The following NTM variants were observed in gnomAD, a reference collection of about 807,000 sequenced individuals.
NTM encodes the protein neurotrimin.
Under a neutral mutation model 42.1 loss-of-function variants are expected in NTM, and 13 were observed. The ratio of observed to expected loss-of-function variants is 0.31; its 90% CI spans 0.20 to 0.49. NTM has a LOEUF of 0.49. Among genes scored for constraint, NTM ranks in the 20% least tolerant of loss-of-function variants. The pLI, the probability that NTM is intolerant of heterozygous loss-of-function variation, is 0.99. For synonymous variants in NTM, 187 were observed against 179.2 expected (o/e 1.04, Z -0.35); for missense variants, 373 against 452.8 (o/e 0.82, Z 1.60).
chr11:131,903,792 T>A (rs114179693), intron 1 of NTM, among the ~76,000 whole-genome samples: 1 of 152,192 alleles, frequency 6.6e-6, no homozygotes, highest in Admixed American at 6.5e-5. Flanking sequence ...AGGGGCAGAC[T>A]TAGGGCTGGA....
chr11:131,576,214 T>G (rs1203499784), intron 1 of NTM, among the ~76,000 whole-genome samples: 1 of 152,192 alleles, frequency 6.6e-6, no homozygotes, highest in African/African-American at 2.4e-5. Flanking sequence ...TTGCTCACAT[T>G]GGCTGCATAT....
intron 6 of NTM, among the ~76,000 whole-genome samples, chr11:132,310,567 T>A (rs753921580): frequency 3.9e-5 from 6 of 152,132 alleles, no homozygotes; most frequent in Non-Finnish European, 5.9e-5. Context: ...TGCCTGAAGC[T>A]ATTTTTACCA....
rs533778964 is a variant in NTM at position 131,765,427 on chromosome 11, G to A, written c.83-146137G>A. On this transcript the variant is annotated intron_variant, in intron 1 of 8. Coordinates refer to ENST00000683400, the MANE Select transcript of NTM (RefSeq NM_001352005.2). ...CATCTCTCTAGGGCCTTTGCACTCA[G>A]TTTCCTCTTCCTGGAAATCTTTCTA... Among the ~76,000 whole-genome samples, 85 of 152,268 alleles carry A rather than the reference G, an allele frequency of 5.6e-4. No individual in the cohort carries two copies. The South Asian group carries it at 0.015, about 27-fold the overall frequency.
intron 1 of NTM, among the ~76,000 whole-genome samples, chr11:131,782,525 T>C (rs1003493824): frequency 1.3e-5 from 2 of 152,092 alleles, no homozygotes; most frequent in African/African-American, 2.4e-5. Context: ...TACACTTATA[T>C]CAAAATCAAA....
intron 4 of NTM, among the ~76,000 whole-genome samples, chr11:132,281,880 A>G (rs923153502): frequency 1.3e-5 from 2 of 152,210 alleles, no homozygotes; most frequent in Non-Finnish European, 2.9e-5. Context: ...TCAATCTCAA[A>G]AAAAGTATTG....
In NTM at chr11:131,642,447, C is replaced by A. The variant is rs182441910; in HGVS notation, c.83-269117C>A. Among the ~76,000 whole-genome samples, 13 of 152,292 alleles carry A rather than the reference C, an allele frequency of 8.5e-5. No homozygotes were observed. In the East Asian group the frequency reaches 1.7e-3, roughly 20 times the overall value. ...AAAACTCCAATAAACTCAGGTATCA[C>A]TCTGGAATTAATGGAGGACAAATTG... is the stretch of plus-strand genomic sequence containing the variant. On this transcript the variant is annotated intron_variant, in intron 1 of 8. Transcript: ENST00000683400.
intron 2 of NTM, among the ~76,000 whole-genome samples, chr11:132,091,205 C>T (rs1487652977): frequency 6.6e-6 from 1 of 152,106 alleles, no homozygotes; most frequent in Admixed American, 6.5e-5. Context: ...GCCTGATCAA[C>T]ATGGCAAAAC....
At chr11:132,094,001 G>A (rs967477195) in intron 2 of NTM, among the ~76,000 whole-genome samples, 19 of 152,154 alleles carry the variant, frequency 1.2e-4, no homozygotes, top group African/African-American at 4.1e-4. Context: ...AAAAAGGAAA[G>A]TGATGAACAG....
At chr11:131,787,632 C>T (rs191425180) in intron 1 of NTM, among the ~76,000 whole-genome samples, 139 of 152,160 alleles carry the variant, frequency 9.1e-4, no homozygotes, top group Non-Finnish European at 1.7e-3. Context: ...GATCCACCCA[C>T]CTTGGCCTCC....
chr11:132,302,558 G>T (rs2094905439), intron 4 of NTM, among the ~76,000 whole-genome samples: 1 of 152,128 alleles, frequency 6.6e-6, no homozygotes, highest in African/African-American at 2.4e-5. Flanking sequence ...TCAACGTGTT[G>T]TTCTGGGTCT....
chr11:131,489,870 A>C lies in NTM; in HGVS notation c.82+118982A>C, dbSNP rs141823939. Among the ~76,000 whole-genome samples the C allele has an allele frequency of 4.6e-3, 700 of 152,286 alleles. 4 individuals carry two copies. The highest frequency in any genetic ancestry group is 6.8e-3 in the Non-Finnish European group (463 of 68,020). On this transcript the variant is annotated intron_variant, in intron 1 of 8. Transcript: ENST00000683400. ...TCTGCCTTAGTCTTTTTCTGTTGCT[A>C]TAAAGGAATATCTGAGGCTGGGTAA...
At chr11:131,711,162 G>A (rs538783728) in intron 1 of NTM, among the ~76,000 whole-genome samples, 1 of 152,202 alleles carries the variant, frequency 6.6e-6, no homozygotes, top group Admixed American at 6.5e-5. Flanking sequence ...CTTCTGCACC[G>A]CAAAAGAAAC....
chr11:131,416,193 G>GC (rs1946925967), intron 1 of NTM, among the ~76,000 whole-genome samples: 1 of 145,808 alleles, frequency 6.9e-6, no homozygotes, highest in Non-Finnish European at 1.5e-5. Context: ...TTCTTTTCAT[G>GC]TTTTTTTTTT....
At chr11:132,126,468 C>T (rs1463423828) in intron 2 of NTM, among the ~76,000 whole-genome samples, 1 of 152,022 alleles carries the variant, frequency 6.6e-6, no homozygotes, top group Non-Finnish European at 1.5e-5. Flanking sequence ...CAAAATGAGG[C>T]GATCAGATTG....
intron 1 of NTM, among the ~76,000 whole-genome samples, chr11:131,763,467 A>AATTTAAAACACAGAGATTAAATGT (rs2084558652): frequency 6.6e-6 from 1 of 152,168 alleles, no homozygotes; most frequent in Non-Finnish European, 1.5e-5. Flanking sequence ...ATTTTGAGAT[A>AATTTAAAACACAGAGATTAAATGT]ATTTAAAACA....
chr11:131,581,734 A>G (rs1311342779), intron 1 of NTM, among the ~76,000 whole-genome samples: 2 of 152,148 alleles, frequency 1.3e-5, no homozygotes, highest in African/African-American at 4.8e-5. Flanking sequence ...GCCTGGGCCC[A>G]GGGCAGGAGA....
In NTM at chr11:131,795,000, A is replaced by G. The variant is rs150552316; in HGVS notation, c.83-116564A>G. On this transcript the variant is annotated intron_variant, in intron 1 of 8. Coordinates refer to ENST00000683400, the MANE Select transcript of NTM (RefSeq NM_001352005.2). ...AGGGGCAGCCTTGGGCAGGCTACAG[A>G]AGTACTCAGCCGTGCTCCTTCCTGG... 432 of 985,350 alleles carry G rather than the reference A, an allele frequency of 4.4e-4. 4 individuals carry two copies. The African/African-American group carries it at 6.5e-3, about 15-fold the overall frequency. The allele number at this position is 985,350 out of a possible 1,614,324, so 61.0% of individuals were successfully genotyped here.
At chr11:131,828,237 C>T (rs1425455179) in intron 1 of NTM, among the ~76,000 whole-genome samples, 1 of 152,122 alleles carries the variant, frequency 6.6e-6, no homozygotes, top group Non-Finnish European at 1.5e-5. Context: ...TAAATGTCAG[C>T]TGTTATTATT....
intron 1 of NTM, chr11:131,774,070 A>T: frequency 1.0e-6 from 1 of 984,916 alleles, no homozygotes; most frequent in Non-Finnish European, 1.2e-6. Flanking sequence ...TGTTGTTCCA[A>T]TGTTGTTCCA....
Sources: allele counts gnomAD v4.1 joint callset (sites outside exome capture counted in the v4.1 genomes callset), GRCh38; gene constraint gnomAD v4.1.1; transcripts MANE v1.5; gene names NCBI Gene and HGNC (gene_info 2026-07-23, HGNC 2026-07-21).